Variants in GRAP2 observed in about 807,000 individuals in gnomAD.
The protein encoded by GRAP2 is GRB2-related adapter protein 2.
GRAP2 carries 31 observed loss-of-function variants against 43.5 expected under a neutral mutation model. The ratio of observed to expected loss-of-function variants is 0.71; its 90% CI spans 0.54 to 0.96. GRAP2 has a LOEUF of 0.96. GRAP2 is among the 40% of genes least tolerant of loss of function. The probability of loss-of-function intolerance (pLI) is 0.00; values close to 1 mark genes in which losing one functional copy is unlikely to be tolerated. For synonymous variants in GRAP2, 156 were observed against 164.8 expected (o/e 0.95, Z 0.41); for missense variants, 371 against 424.4 (o/e 0.87, Z 1.11).
chr22:39,957,015 G>A (rs962124866), intron 3 of GRAP2, among the ~76,000 whole-genome samples: 5 of 152,102 alleles, frequency 3.3e-5, no homozygotes, highest in Non-Finnish European at 5.9e-5. Context: ...AGAAGTCAGC[G>A]GGGGGAAGGG....
At chr22:39,964,567 T>G in intron 4 of GRAP2, 1 of 816,322 alleles carries the variant, frequency 1.2e-6, no homozygotes, top group Non-Finnish European at 2.2e-6. Flanking sequence ...TGGCAAAAAA[T>G]AAGCTGTTCC....
Position 39,966,002 on chromosome 22 carries a change from C to G in GRAP2, c.303C>G (p.Asp101Glu). The G allele has an allele frequency of 6.2e-7, 1 of 1,613,784 alleles. No homozygotes were observed. The highest frequency in any genetic ancestry group is 1.7e-5 in the Admixed American group (1 of 60,020). The stretch of plus-strand genomic sequence containing the variant: ...CCTTGATCTCCAGGCATGAGGATGA[C>G]GTTCAACACTTCAAGGTCATGCGAG... ...DFSISVRHED[D>E]VQHFKVMRDN... Residue 101 changes from aspartate (D) to glutamate (E), a missense_variant, in exon 5 of 8, where the codon GAC (aspartate) becomes GAG (glutamate). Physicochemically the swap from Asp to Glu is conservative, Grantham distance 45 (BLOSUM62 2). Transcript: ENST00000344138.
At chr22:39,936,912 A>G (rs534462431) in intron 1 of GRAP2, among the ~76,000 whole-genome samples, 2 of 152,288 alleles carry the variant, frequency 1.3e-5, no homozygotes, top group African/African-American at 4.8e-5. Flanking sequence ...ATTGCTCTTG[A>G]ATGTTTTGGC....
chr22:39,940,732 C>T (rs1282523480), intron 1 of GRAP2, among the ~76,000 whole-genome samples: 1 of 152,134 alleles, frequency 6.6e-6, no homozygotes, highest in Admixed American at 6.6e-5. Context: ...CTCCAGGCTG[C>T]TCAGGAGGAA....
chr22:39,927,617 G>T (rs2066717711), intron 1 of GRAP2, among the ~76,000 whole-genome samples: 2 of 152,162 alleles, frequency 1.3e-5, no homozygotes, highest in African/African-American at 2.4e-5. Context: ...TGATCTCATG[G>T]CTGGATTTCA....
At chr22:39,951,773 C>G (rs1004645112) in intron 2 of GRAP2, among the ~76,000 whole-genome samples, 2 of 152,076 alleles carry the variant, frequency 1.3e-5, no homozygotes, top group Non-Finnish European at 2.9e-5. Context: ...CTCCCCTCCC[C>G]TCAAATACTT....
At chr22:39,911,926 T>C (rs1418657461) in intron 1 of GRAP2, among the ~76,000 whole-genome samples, 2 of 152,214 alleles carry the variant, frequency 1.3e-5, no homozygotes, top group Non-Finnish European at 2.9e-5. Context: ...TTATGCACAG[T>C]AAAATCTGAG....
intron 1 of GRAP2, among the ~76,000 whole-genome samples, chr22:39,917,273 C>T (rs746587510): frequency 6.6e-6 from 1 of 152,226 alleles, no homozygotes; most frequent in Non-Finnish European, 1.5e-5. Context: ...CATCGTTTCT[C>T]TTCCTTCATC....
At chr22:39,951,485 C>G (rs76583112) in intron 2 of GRAP2, among the ~76,000 whole-genome samples, 29,875 of 152,026 alleles carry the variant, frequency 0.2, 4,025 homozygotes, top group East Asian at 0.68. Flanking sequence ...TTTCTAAAAG[C>G]TACAATTTCA....
At chr22:39,907,224 TG>T (rs1018261907) in intron 1 of GRAP2, among the ~76,000 whole-genome samples, 1 of 136,936 alleles carries the variant, frequency 7.3e-6, no homozygotes, top group Non-Finnish European at 1.6e-5. Flanking sequence ...GTGGGGTGGG[TG>T]GGGGAAGGGG....
In GRAP2 at chr22:39,920,943, GACACACACACACAC is replaced by G. The variant is rs137974; in HGVS notation, c.-15+19647_-15+19660del. ...AATGGGTATTTAACTTCTCTACACAGACACACACACACACACACACACACACACACACACACACA... is the reference window on the plus strand; with the variant it reads ...AATGGGTATTTAACTTCTCTACACAGACACACACACACACACACACACACA... On this transcript the variant is annotated intron_variant, in intron 1 of 7. Coordinates refer to ENST00000344138, the MANE Select transcript of GRAP2 (RefSeq NM_004810.4). 7.6e-3 allele frequency among the ~76,000 whole-genome samples: 1,087 copies of G among 142,520 alleles called. 3 individuals are homozygous for G. Among genetic ancestry groups the G allele is most frequent in the African/African-American group, 0.012 (483 of 39,344 alleles). The allele number at this position is 142,520 out of a possible 152,430, so 93.5% of individuals were successfully genotyped here.
At chr22:39,938,295 C>G (rs1026772788) in intron 1 of GRAP2, among the ~76,000 whole-genome samples, 8 of 152,200 alleles carry the variant, frequency 5.3e-5, no homozygotes, top group African/African-American at 1.9e-4. Context: ...CAGACAGGGA[C>G]CTGCAGAACA....
At chr22:39,894,252 A>C in the GRAP2 span, among the ~76,000 whole-genome samples, 1 of 151,822 alleles carries the variant, frequency 6.6e-6, no homozygotes, top group Non-Finnish European at 1.5e-5. Flanking sequence ...TTTATTTATT[A>C]TTATTTAAGT....
At position 39,926,621 on chromosome 22, in the gene GRAP2, G is replaced by A. The variant is rs151150782; in HGVS notation, c.-14-20472G>A. 960 of 985,330 alleles carry A rather than the reference G, an allele frequency of 9.7e-4. 17 individuals are homozygous for A. In the South Asian group the frequency reaches 0.036, roughly 37 times the overall value. 61.0% of individuals were successfully genotyped at this position (985,330 alleles called of 1,614,324 possible). On this transcript the variant is annotated intron_variant, in intron 1 of 7. Transcript: ENST00000344138. Reference sequence around the variant, plus strand: ...TCATAAAAGCATTCTATGCTGGACCGGTTCGTGTTAAGTCTGAGTTCCTCA... The same window carrying A: ...TCATAAAAGCATTCTATGCTGGACCAGTTCGTGTTAAGTCTGAGTTCCTCA...
chr22:39,906,137 A>G (rs898550426), intron 1 of GRAP2, among the ~76,000 whole-genome samples: 2 of 152,144 alleles, frequency 1.3e-5, no homozygotes, highest in Non-Finnish European at 2.9e-5. Flanking sequence ...GAGACCTGGG[A>G]CCTCAGAGCC....
At chr22:39,939,580 AAAG>A (rs2066845108) in intron 1 of GRAP2, among the ~76,000 whole-genome samples, 3 of 150,460 alleles carry the variant, frequency 2.0e-5, no homozygotes, top group Admixed American at 1.3e-4. Flanking sequence ...AAAAAAAAAA[AAAG>A]AAATGGTCCT....
intron 2 of GRAP2, among the ~76,000 whole-genome samples, chr22:39,953,484 T>C (rs946740566): frequency 6.6e-6 from 1 of 152,198 alleles, no homozygotes; most frequent in Admixed American, 6.5e-5. Context: ...CCTCACCTCC[T>C]CTTAGCCTAG....
Position 39,960,234 on chromosome 22 carries a change from T to C in GRAP2, c.290+60T>C, listed in dbSNP as rs2067103939. ...TCGGCCTGTTAACCTCACAGAATGC[T>C]GAAGCCATGAAGGGACCTCTGGAAT... On this transcript the variant is annotated intron_variant, in intron 4 of 7. Coordinates refer to ENST00000344138, the MANE Select transcript of GRAP2 (RefSeq NM_004810.4). The C allele has an allele frequency of 4.0e-6, 6 of 1,509,120 alleles. No individual in the cohort carries two copies. The South Asian group carries it at 5.6e-5, about 14-fold the overall frequency. 93.5% of individuals were successfully genotyped at this position (1,509,120 alleles called of 1,614,324 possible). A position where few individuals can be genotyped will look rare whatever the true frequency, so the allele number is the denominator to read the frequency against.
intron 1 of GRAP2, among the ~76,000 whole-genome samples, chr22:39,938,064 A>C (rs923541922): frequency 3.3e-5 from 5 of 152,190 alleles, no homozygotes; most frequent in African/African-American, 1.2e-4. Flanking sequence ...AGAAGAAGGA[A>C]GTGGCTGGCT....
Sources: gnomAD v4.1 joint callset for allele counts (sites outside exome capture counted in the v4.1 genomes callset) on GRCh38, gnomAD v4.1.1 for gene constraint, MANE v1.5 for transcripts, NCBI Gene and HGNC (gene_info 2026-07-23, HGNC 2026-07-21) for gene names.